F5: variants seen among roughly 807,000 people sequenced by gnomAD.
F5 encodes coagulation factor V, also known as activated protein c cofactor.
In F5, 138 loss-of-function variants were observed where a neutral mutation model predicts 216.4. That is an observed-to-expected ratio of 0.64 (90% CI 0.56 to 0.73). F5 has a LOEUF of 0.73. Among genes scored for constraint, F5 ranks in the 30% least tolerant of loss-of-function variants. The probability of loss-of-function intolerance (pLI) is 0.00; values close to 1 mark genes in which losing one functional copy is unlikely to be tolerated. For synonymous variants in F5, 916 were observed against 930.7 expected (o/e 0.98, Z 0.29); for missense variants, 2,403 against 2,674.0 (o/e 0.90, Z 2.24).
intron 5 of F5, among the ~76,000 whole-genome samples, chr1:169,557,805 G>T (rs1386963543): frequency 6.6e-6 from 1 of 151,946 alleles, no homozygotes; most frequent in African/African-American, 2.4e-5. Context: ...AGGAGGCTTT[G>T]GTGGAAGCGT....
chr1:169,520,128 G>A (rs1659260467), intron 22 of F5, among the ~76,000 whole-genome samples: 1 of 152,200 alleles, frequency 6.6e-6, no homozygotes, highest in Admixed American at 6.5e-5. Context: ...CATATATATG[G>A]CAGTGATGTT....
rs771769756 is a variant in F5 at position 169,520,617 on chromosome 1, A to G, written c.6096T>C (p.Phe2032=). Residue 2032 remains phenylalanine, a synonymous_variant, in exon 22 of 25, where the codon TTT becomes TTC. Transcript: ENST00000367797. ...SDASTIKENQ[F]DPPIVARYIR... ...TATATCTAGCCACAATAGGTGGGTC[A>G]AACTGATTCTCTTTTATTGTAGAGG... 1 of 1,614,006 alleles carries G rather than the reference A, an allele frequency of 6.2e-7. No homozygotes were observed. Among genetic ancestry groups the G allele is most frequent in the Non-Finnish European group, 8.5e-7 (1 of 1,179,914 alleles).
intron 3 of F5, among the ~76,000 whole-genome samples, chr1:169,565,740 AATTTTGT>A (rs971836143): frequency 1.9e-4 from 29 of 152,060 alleles, no homozygotes; most frequent in African/African-American, 7.0e-4. Flanking sequence ...TTACTGGACC[AATTTTGT>A]TCACTGAACT....
At chr1:169,526,047 C>CA (rs1403965093) in intron 17 of F5, 30 bp from the exon 18 acceptor site, 1 of 1,420,540 alleles carries the variant, frequency 7.0e-7, no homozygotes, top group Non-Finnish European at 9.9e-7. Flanking sequence ...ATTACATTTG[C>CA]AAAAATTAAC....
intron 14 of F5, among the ~76,000 whole-genome samples, chr1:169,533,673 T>A (rs1244037348): frequency 6.6e-6 from 1 of 151,942 alleles, no homozygotes; most frequent in Non-Finnish European, 1.5e-5. Context: ...ATCAGAGAAA[T>A]GCAAATCAAT....
At chr1:169,546,652 A>C in intron 10 of F5, 60 bp from the exon 11 acceptor site, 1 of 1,477,324 alleles carries the variant, frequency 6.8e-7, no homozygotes, top group Non-Finnish European at 9.5e-7. Flanking sequence ...AATGGAACAG[A>C]ATAGAGAACT....
chr1:169,530,897 A>G lies in F5; in HGVS notation c.5097T>C (p.Ala1699=). 1 of 1,613,988 alleles carries G rather than the reference A, an allele frequency of 6.2e-7. No individual in the cohort carries two copies. The highest frequency in any genetic ancestry group is 2.2e-5 in the East Asian group (1 of 44,874). ...DSPEWFKEDN[A]VQPNSSYTYV... ...AGGTATAACTGCTATTTGGCTGAAC[A>G]GCATTATCTTCCTTAAACCATTCAG... is the stretch of plus-strand genomic sequence containing the variant. The change falls in exon 15 of 25, where the codon GCT becomes GCC. Residue 1699 remains alanine (A), a synonymous_variant. Transcript: ENST00000367797.
At position 169,512,892 on chromosome 1, in the gene F5, G is replaced by T. The variant is rs543442430; in HGVS notation, c.*1421C>A. ...TTCTACACTGAATCGAGACTGGCCT[G>T]TAATTTGTGTTCACAACGAATAGAA... On this transcript the variant is annotated 3_prime_UTR_variant, in exon 25 of 25. Coordinates refer to ENST00000367797, the MANE Select transcript of F5 (RefSeq NM_000130.5). 6.6e-6 allele frequency among the ~76,000 whole-genome samples: 1 copy of T among 152,168 alleles called. No homozygotes were observed. The highest frequency in any genetic ancestry group is 2.1e-4 in the South Asian group (1 of 4,828).
At chr1:169,573,044 T>A (rs1384004552) in intron 2 of F5, among the ~76,000 whole-genome samples, 5 of 151,514 alleles carry the variant, frequency 3.3e-5, no homozygotes, top group African/African-American at 1.2e-4. Context: ...GCCTCCTGGG[T>A]TCAAGCAATT....
At chr1:169,578,168 A>G (rs1458423742) in intron 2 of F5, among the ~76,000 whole-genome samples, 2 of 152,196 alleles carry the variant, frequency 1.3e-5, no homozygotes, top group African/African-American at 4.8e-5. Flanking sequence ...TGCACTTCAT[A>G]AGTTCATAGT....
At chr1:169,570,082 C>T (rs1264731683) in intron 3 of F5, among the ~76,000 whole-genome samples, 1 of 152,106 alleles carries the variant, frequency 6.6e-6, no homozygotes, top group East Asian at 1.9e-4. Context: ...TTTACTTTCC[C>T]TACCAATATG....
intron 23 of F5, among the ~76,000 whole-genome samples, chr1:169,517,559 G>A (rs528347465): frequency 6.6e-6 from 1 of 152,234 alleles, no homozygotes; most frequent in Non-Finnish European, 1.5e-5. Flanking sequence ...TGGCTGAAGG[G>A]ATCATCAAGT....
chr1:169,578,595 G>A (rs1472657035), intron 2 of F5, among the ~76,000 whole-genome samples: 1 of 152,036 alleles, frequency 6.6e-6, no homozygotes, highest in Non-Finnish European at 1.5e-5. Context: ...TCTTTTCCTG[G>A]CCCTAATGAG....
intron 3 of F5, among the ~76,000 whole-genome samples, chr1:169,563,659 C>T (rs1399385339): frequency 2.0e-5 from 3 of 151,502 alleles, no homozygotes; most frequent in Non-Finnish European, 4.4e-5. Context: ...TTTTTTTATC[C>T]TTTATTTTTT....
chr1:169,562,344 T>A (rs1278903954), intron 3 of F5, among the ~76,000 whole-genome samples: 4 of 149,692 alleles, frequency 2.7e-5, no homozygotes, highest in Non-Finnish European at 5.9e-5. Context: ...CTATCCTTTA[T>A]TTTTTACCTA....
chr1:169,570,355 T>C (rs901374397), intron 3 of F5, among the ~76,000 whole-genome samples: 1 of 152,158 alleles, frequency 6.6e-6, no homozygotes, highest in Non-Finnish European at 1.5e-5. Context: ...GACATTTTGA[T>C]ATTTTGAGGT....
chr1:169,512,790 A>C lies in F5; in HGVS notation c.*1523T>G, dbSNP rs912534869. Among the ~76,000 whole-genome samples the C allele has an allele frequency of 1.2e-4, 19 of 152,098 alleles. No homozygotes were observed. Among genetic ancestry groups the C allele is most frequent in the African/African-American group, 4.6e-4 (19 of 41,442 alleles). On this transcript the variant is annotated 3_prime_UTR_variant, in exon 25 of 25. Transcript: ENST00000367797. Reference sequence around the variant, plus strand: ...TAGGGCTTACCCCACTGGTATGGGCAACAGGTAACTCTGGTAGTTTCTAAA... The same window carrying C: ...TAGGGCTTACCCCACTGGTATGGGCCACAGGTAACTCTGGTAGTTTCTAAA...
chr1:169,521,854 C>T (rs1659317098), intron 21 of F5, among the ~76,000 whole-genome samples: 1 of 151,694 alleles, frequency 6.6e-6, no homozygotes, highest in Admixed American at 6.6e-5. Context: ...CTCTTGACCT[C>T]GTGATCTGCC....
chr1:169,559,434 CA>C, intron 4 of F5, 138 bp from the exon 5 acceptor site: 3 of 880,216 alleles, frequency 3.4e-6, no homozygotes, highest in Non-Finnish European at 5.5e-6. Context: ...TTTAAAATAG[CA>C]TATTTATCAA....
Sources: gnomAD v4.1 joint callset for allele counts (sites outside exome capture counted in the v4.1 genomes callset) on GRCh38, gnomAD v4.1.1 for gene constraint, MANE v1.5 for transcripts, NCBI Gene and HGNC (gene_info 2026-07-23, HGNC 2026-07-21) for gene names.